The following DLGAP2 variants were observed in gnomAD, a reference collection of about 807,000 sequenced individuals.
DLGAP2 encodes DLG associated protein 2.
In DLGAP2, 26 loss-of-function variants were observed where a neutral mutation model predicts 100.3. The ratio of observed to expected loss-of-function variants is 0.26; its 90% CI spans 0.19 to 0.36. The LOEUF is 0.36. Ranked by LOEUF, DLGAP2 falls within the 10% of genes least tolerant of loss-of-function variation. DLGAP2 has a pLI of 1.00. For missense variants in DLGAP2, 1,858 were observed against 1,453.2 expected, an observed-to-expected ratio of 1.28 and a Z score of -4.53; for synonymous variants, 886 against 630.1, an observed-to-expected ratio of 1.41 and a Z score of -6.08.
At chr8:811,147 C>T (rs746892060) in intron 1 of DLGAP2, among the ~76,000 whole-genome samples, 7 of 152,228 alleles carry the variant, frequency 4.6e-5, no homozygotes, top group Admixed American at 4.6e-4. Context: ...AAGCTCACTC[C>T]ATTATCCCGC....
intron 12 of DLGAP2, among the ~76,000 whole-genome samples, chr8:1,681,462 G>A (rs578160987): frequency 1.3e-5 from 2 of 151,730 alleles, no homozygotes; most frequent in Non-Finnish European, 2.9e-5. Flanking sequence ...GTGAGACCTT[G>A]TCTCTACCAA....
At chr8:799,073 C>T (rs1349276683) in intron 1 of DLGAP2, among the ~76,000 whole-genome samples, 1 of 152,212 alleles carries the variant, frequency 6.6e-6, no homozygotes, top group Non-Finnish European at 1.5e-5. Flanking sequence ...CTGTGCCCTC[C>T]CTCACTGCCT....
intron 2 of DLGAP2, among the ~76,000 whole-genome samples, chr8:1,025,644 T>C (rs1465633038): frequency 2.0e-5 from 3 of 152,182 alleles, no homozygotes; most frequent in Non-Finnish European, 2.9e-5. Context: ...GTCTTCTCTG[T>C]ACTTGCCCAC....
intron 2 of DLGAP2, among the ~76,000 whole-genome samples, chr8:1,156,076 A>T (rs1796778956): frequency 6.6e-6 from 1 of 152,124 alleles, no homozygotes; most frequent in African/African-American, 2.4e-5. Flanking sequence ...GCCATTAAGC[A>T]AGGAAAGCTC....
At chr8:835,061 G>C (rs1278790059) in intron 1 of DLGAP2, among the ~76,000 whole-genome samples, 1 of 152,130 alleles carries the variant, frequency 6.6e-6, no homozygotes, top group Admixed American at 6.6e-5. Context: ...GCACGTGTTA[G>C]TGTGCATGTA....
At chr8:1,385,778 G>A (rs1268967890) in intron 3 of DLGAP2, among the ~76,000 whole-genome samples, 1 of 147,986 alleles carries the variant, frequency 6.8e-6, no homozygotes, top group Non-Finnish European at 1.5e-5. Context: ...AGAACTTGGT[G>A]CACAGTTACC....
chr8:1,237,064 A>G (rs1351417229), intron 2 of DLGAP2, among the ~76,000 whole-genome samples: 17 of 129,424 alleles, frequency 1.3e-4, no homozygotes, highest in Middle Eastern at 5.8e-3. Context: ...CACCATGTCT[A>G]GTTCTGTCAC....
intron 2 of DLGAP2, among the ~76,000 whole-genome samples, chr8:1,182,983 G>A (rs746804880): frequency 2.2e-4 from 33 of 152,192 alleles, no homozygotes; most frequent in Admixed American, 7.2e-4. Context: ...ACATTCGAGC[G>A]AGCTGGGGCC....
chr8:1,351,640 C>T (rs373134542), intron 3 of DLGAP2, among the ~76,000 whole-genome samples: 135 of 15,396 alleles, frequency 8.8e-3, no homozygotes, highest in Middle Eastern at 0.045. Context: ...CCTGAGTGTG[C>T]GTGGAAAGGC....
At chr8:909,992 T>C (rs1798453208) in intron 2 of DLGAP2, among the ~76,000 whole-genome samples, 1 of 152,234 alleles carries the variant, frequency 6.6e-6, no homozygotes, top group South Asian at 2.1e-4. Flanking sequence ...TCTACCTCAA[T>C]GGTTTTGTGG....
intron 2 of DLGAP2, among the ~76,000 whole-genome samples, chr8:1,182,985 G>A (rs957860732): frequency 1.3e-5 from 2 of 152,202 alleles, no homozygotes; most frequent in African/African-American, 2.4e-5. Flanking sequence ...ATTCGAGCGA[G>A]CTGGGGCCAG....
intron 2 of DLGAP2, among the ~76,000 whole-genome samples, chr8:1,139,172 C>A (rs1383868276): frequency 6.6e-6 from 1 of 152,194 alleles, no homozygotes; most frequent in Non-Finnish European, 1.5e-5. Context: ...GGGTGGCCTG[C>A]TGGGCTGCCT....
intron 3 of DLGAP2, among the ~76,000 whole-genome samples, chr8:1,377,518 C>G (rs1439597806): frequency 2.0e-5 from 3 of 151,962 alleles, no homozygotes; most frequent in African/African-American, 7.3e-5. Context: ...CACTCCAGCC[C>G]GGGCGATAGA....
rs1404481836 is a variant in DLGAP2 at position 1,682,581 on chromosome 8, T to G, written c.2704+3952T>G. On this transcript the variant is annotated intron_variant, in intron 12 of 14. Transcript: ENST00000637795. Reference sequence around the variant, plus strand: ...CCTCAGCCTCCCGAGTTCAAGTGATTCTCCTGCCTCAGCCTCCCAAGTAGC... The same window carrying G: ...CCTCAGCCTCCCGAGTTCAAGTGATGCTCCTGCCTCAGCCTCCCAAGTAGC... Among the ~76,000 whole-genome samples, 863 of 146,386 alleles carry G rather than the reference T, an allele frequency of 5.9e-3. 6 individuals are homozygous for G. Among genetic ancestry groups the G allele is most frequent in the Non-Finnish European group, 9.9e-3 (634 of 63,952 alleles).
At chr8:861,741 G>T (rs1024097586) in intron 1 of DLGAP2, among the ~76,000 whole-genome samples, 7 of 152,186 alleles carry the variant, frequency 4.6e-5, no homozygotes, top group African/African-American at 1.7e-4. Context: ...CCTACTCAAG[G>T]GACAGCAGCG....
intron 2 of DLGAP2, among the ~76,000 whole-genome samples, chr8:1,192,755 T>C (rs762352190): frequency 3.3e-5 from 5 of 151,934 alleles, no homozygotes; most frequent in Non-Finnish European, 7.4e-5. Flanking sequence ...ATGTGCCATG[T>C]TGGTGTGCTG....
intron 3 of DLGAP2, 45 bp downstream of exon 3, chr8:1,258,928 C>G: frequency 8.1e-7 from 1 of 1,229,956 alleles, no homozygotes; most frequent in Non-Finnish European, 1.0e-6. Flanking sequence ...GGCCGCGCGG[C>G]TCACAGGTGT....
intron 3 of DLGAP2, among the ~76,000 whole-genome samples, chr8:1,442,354 C>G (rs183557765): frequency 6.6e-5 from 10 of 151,652 alleles, no homozygotes; most frequent in Middle Eastern, 6.8e-3. Flanking sequence ...CAGGCATAGA[C>G]CCGCCAAGCT....
chr8:1,256,858 G>C (rs1199192273), intron 2 of DLGAP2, among the ~76,000 whole-genome samples: 1 of 152,130 alleles, frequency 6.6e-6, no homozygotes, highest in Admixed American at 6.5e-5. Flanking sequence ...CGTGTCCCCT[G>C]GGTAACAGGA....
Sources: gnomAD v4.1 joint callset for allele counts (sites outside exome capture counted in the v4.1 genomes callset) on GRCh38, gnomAD v4.1.1 for gene constraint, MANE v1.5 for transcripts, NCBI Gene and HGNC (gene_info 2026-07-23, HGNC 2026-07-21) for gene names.